BRWD1: variants seen among roughly 807,000 people sequenced by gnomAD.
BRWD1 encodes the protein bromodomain and WD repeat-containing protein 1.
BRWD1 carries 82 observed loss-of-function variants against 251.2 expected under a neutral mutation model. The observed-to-expected ratio is 0.33, with a 90% CI of 0.27 to 0.39. The LOEUF is 0.39. Among genes scored for constraint, BRWD1 ranks in the 10% least tolerant of loss-of-function variants. The pLI is 1.00. For synonymous variants in BRWD1, 918 were observed against 902.8 expected (o/e 1.02, Z -0.30); for missense variants, 2,233 against 2,711.6 (o/e 0.82, Z 3.92).
chr21:39,225,639 C>T (rs1208185232), intron 27 of BRWD1, among the ~76,000 whole-genome samples: 1 of 152,048 alleles, frequency 6.6e-6, no homozygotes, highest in Non-Finnish European at 1.5e-5. Flanking sequence ...AAAATTAAAG[C>T]TACAATTTAT....
At chr21:39,274,607 G>C in intron 12 of BRWD1, 135 bp from the exon 13 acceptor site, 2 of 737,978 alleles carry the variant, frequency 2.7e-6, no homozygotes, top group South Asian at 3.6e-5. Flanking sequence ...TAATTCAAAA[G>C]ACAAGGTATT....
At chr21:39,282,422 G>A (rs1283686698) in intron 8 of BRWD1, among the ~76,000 whole-genome samples, 2 of 152,058 alleles carry the variant, frequency 1.3e-5, no homozygotes, top group Non-Finnish European at 2.9e-5. Flanking sequence ...GCCTAACATT[G>A]AGCTTTGCAG....
At position 39,274,399 on chromosome 21, in the gene BRWD1, A is replaced by G. The variant is rs780324149; in HGVS notation, c.1219T>C (p.Leu407=). ...CCTGAGATTCTGGTAGCCATATCCA[A>G]TAAAATGCTCCTCCATTCTAACTGC... is the stretch of plus-strand genomic sequence containing the variant. ...FEQLEWRSIL[L]DMATRISGDL... Residue 407 remains leucine (L), a synonymous_variant, in exon 13 of 41, where the codon TTG becomes CTG. Transcript: ENST00000342449. The G allele has an allele frequency of 3.5e-5, 57 of 1,613,842 alleles. No individual in the cohort carries two copies. The East Asian group carries it at 9.4e-4, about 27-fold the overall frequency.
chr21:39,313,384 CG>C (rs993168837), intron 1 of BRWD1, 58 bp downstream of exon 1: 124 of 1,479,328 alleles, frequency 8.4e-5, no homozygotes, highest in Non-Finnish European at 1.8e-5. Flanking sequence ...CCCGGGGAGC[CG>C]GGGAAGCCGA....
intron 4 of BRWD1, among the ~76,000 whole-genome samples, chr21:39,301,022 CA>C (rs1224334245): frequency 6.6e-6 from 1 of 151,920 alleles, no homozygotes; most frequent in African/African-American, 2.4e-5. Flanking sequence ...ACTAAAAATA[CA>C]AAAAAATTAG....
At chr21:39,310,170 T>G (rs996600814) in intron 4 of BRWD1, among the ~76,000 whole-genome samples, 1 of 152,216 alleles carries the variant, frequency 6.6e-6, no homozygotes. Flanking sequence ...AAAACATATG[T>G]ATACCTCAAA....
intron 31 of BRWD1, chr21:39,217,027 A>ATATAAAAATATATATATATATT (rs2032935303): frequency 4.7e-5 from 1 of 21,278 alleles, no homozygotes; most frequent in Non-Finnish European, 9.7e-5. Context: ...ATATATATAT[A>ATATAAAAATATATATATATATT]TATATATAAA....
chr21:39,222,587 GACAACAA>G (rs2033221211), intron 29 of BRWD1, among the ~76,000 whole-genome samples: 1 of 152,110 alleles, frequency 6.6e-6, no homozygotes, highest in East Asian at 1.9e-4. Flanking sequence ...ACAAAATAAT[GACAACAA>G]TTGAACACTG....
chr21:39,255,522 C>A, intron 19 of BRWD1, 123 bp downstream of exon 19: 1 of 761,200 alleles, frequency 1.3e-6, no homozygotes, highest in Non-Finnish European at 2.0e-6. Context: ...AGTAAGATTC[C>A]CACTCATTAC....
At position 39,194,203 on chromosome 21, in the gene BRWD1, A is replaced by AT; in HGVS notation, c.*2055_*2056insA. ...CTATTAATGAAGCCTAAACTGTCAAAATATTGTTTTATACCAAAAGAATGT... is the reference window on the plus strand; with the variant it reads ...CTATTAATGAAGCCTAAACTGTCAAATATATTGTTTTATACCAAAAGAATGT... On this transcript the variant is annotated 3_prime_UTR_variant, in exon 41 of 41. Coordinates refer to ENST00000342449, the MANE Select transcript of BRWD1 (RefSeq NM_033656.4). The AT allele has an allele frequency of 1.0e-6, 1 of 982,586 alleles. No homozygotes were observed. The highest frequency in any genetic ancestry group is 4.7e-5 in the South Asian group (1 of 21,378). 60.9% of individuals were successfully genotyped at this position (982,586 alleles called of 1,614,324 possible).
At position 39,199,414 on chromosome 21, in the gene BRWD1, C is replaced by G; in HGVS notation, c.5002G>C (p.Ala1668Pro). ...TGTAATAACTTTTTTCTAGCTACAG[C>G]AGAAGCATTGCGGTGAGGCAGCTTC... ...GRKLPHRNAS[A>P]VARKKLLHNS... is the part of the protein sequence containing the mutation. Residue 1668 changes from alanine to proline, a missense_variant, in exon 40 of 41, where the codon GCT becomes CCT. By Grantham distance (27) the Ala-to-Pro change is conservative. Coordinates refer to ENST00000342449, the MANE Select transcript of BRWD1 (RefSeq NM_033656.4). 6.2e-7 allele frequency: 1 copy of G among 1,614,226 alleles called. No individual in the cohort carries two copies. The highest frequency in any genetic ancestry group is 8.5e-7 in the Non-Finnish European group (1 of 1,180,042).
chr21:39,308,651 G>C (rs529828274), intron 4 of BRWD1, among the ~76,000 whole-genome samples: 1 of 152,204 alleles, frequency 6.6e-6, no homozygotes, highest in South Asian at 2.1e-4. Flanking sequence ...CCACCACAAA[G>C]ATTCTGATTT....
At chr21:39,274,595 G>T (rs1252248059) in intron 12 of BRWD1, 123 bp from the exon 13 acceptor site, 2 of 789,608 alleles carry the variant, frequency 2.5e-6, no homozygotes, top group African/African-American at 3.5e-5. Flanking sequence ...ATCCACAGGT[G>T]TTAATTCAAA....
At chr21:39,306,346 A>AGT (rs1255148561) in intron 4 of BRWD1, among the ~76,000 whole-genome samples, 5 of 152,036 alleles carry the variant, frequency 3.3e-5, no homozygotes, top group African/African-American at 1.2e-4. Context: ...TGGGATTACA[A>AGT]GTGTGAGCCA....
At chr21:39,286,348 G>C (rs2146723219) in intron 8 of BRWD1, among the ~76,000 whole-genome samples, 1 of 151,560 alleles carries the variant, frequency 6.6e-6, no homozygotes, top group Non-Finnish European at 1.5e-5. Context: ...CAACAATTCA[G>C]TGGCATTTAG....
In BRWD1 at chr21:39,215,306, A is replaced by G; in HGVS notation, c.3716T>C (p.Phe1239Ser). 1 of 1,613,472 alleles carries G rather than the reference A, an allele frequency of 6.2e-7. No homozygotes were observed. The highest frequency in any genetic ancestry group is 8.5e-7 in the Non-Finnish European group (1 of 1,179,408). Residue 1239 changes from phenylalanine (F) to serine (S), a missense_variant, in exon 32 of 41, where the codon TTT (phenylalanine) becomes TCT (serine). Coordinates refer to ENST00000342449, the MANE Select transcript of BRWD1 (RefSeq NM_033656.4). ...VRYIEHNART[F>S]NEPESVIARS... ...TGCAATTACACTCTCAGGTTCGTTA[A>G]ATGTTCTGGCATTATGTTCTATATA...
downstream of BRWD1, chr21:39,185,358 T>C (rs2031173476): frequency 6.7e-6 from 1 of 148,420 alleles, no homozygotes; most frequent in Non-Finnish European, 1.5e-5. Context: ...GTTAAGTATT[T>C]CATTTTATAG....
At chr21:39,299,487 ATGTC>A (rs2036049748) in intron 4 of BRWD1, among the ~76,000 whole-genome samples, 1 of 152,152 alleles carries the variant, frequency 6.6e-6, no homozygotes, top group Non-Finnish European at 1.5e-5. Flanking sequence ...AGACAAATAT[ATGTC>A]TGTTATAATT....
Position 39,294,432 on chromosome 21 carries a change from C to T in BRWD1, c.610-400G>A, listed in dbSNP as rs542396588. Among the ~76,000 whole-genome samples the T allele has an allele frequency of 1.4e-3, 216 of 152,222 alleles. 1 individual carries two copies. The highest frequency in any genetic ancestry group is 4.3e-3 in the African/African-American group (177 of 41,542). ...CAACACTTTGGGAGGCCCAGGTGGG[C>T]GGATCACAAGGTCAGGAGATCGAGA... On this transcript the variant is annotated intron_variant, in intron 7 of 40. Transcript: ENST00000342449.
Sources: gnomAD v4.1 joint callset for allele counts (sites outside exome capture counted in the v4.1 genomes callset) on GRCh38, gnomAD v4.1.1 for gene constraint, MANE v1.5 for transcripts, NCBI Gene and HGNC (gene_info 2026-07-23, HGNC 2026-07-21) for gene names.